PTCHD4: variants seen among roughly 807,000 people sequenced by gnomAD.
PTCHD4 encodes the protein patched domain-containing protein 4.
A neutral mutation model predicts 58.1 loss-of-function variants in PTCHD4; 33 were observed. The ratio of observed to expected loss-of-function variants is 0.57; its 90% confidence interval spans 0.43 to 0.76. The LOEUF (loss-of-function observed/expected upper bound fraction) is 0.76. Ranked by LOEUF, PTCHD4 falls within the 30% of genes least tolerant of loss-of-function variation. PTCHD4 has a pLI of 0.00. For synonymous variants in PTCHD4, 478 were observed against 409.6 expected, an observed-to-expected ratio of 1.17 and a Z score of -2.02; for missense variants, 1,058 against 1,027.1, an observed-to-expected ratio of 1.03 and a Z score of -0.41.
In PTCHD4 at chr6:47,864,207, G is replaced by A. The variant is rs1452441913; in HGVS notation, c.*14096C>T. ...ATTGAATCAGAACCTCTGGAGATGG[G>A]GATATGCAGGCTGTGCTTTGACAAG... On this transcript the variant is annotated 3_prime_UTR_variant, in exon 5 of 5. Coordinates refer to ENST00000339488, the MANE Select transcript of PTCHD4 (RefSeq NM_001384253.1). Among the ~76,000 whole-genome samples, 2 of 151,926 alleles carry A rather than the reference G, an allele frequency of 1.3e-5. No homozygotes were observed. Among genetic ancestry groups the A allele is most frequent in the African/African-American group, 2.4e-5 (1 of 41,496 alleles).
At chr6:47,921,567 A>G (rs1210955166) in intron 4 of PTCHD4, among the ~76,000 whole-genome samples, 1 of 152,164 alleles carries the variant, frequency 6.6e-6, no homozygotes, top group Non-Finnish European at 1.5e-5. Context: ...TAGTTGAAAC[A>G]TAGTATAGCA....
chr6:48,015,588 C>T (rs1481839084), intron 3 of PTCHD4, among the ~76,000 whole-genome samples: 2 of 151,974 alleles, frequency 1.3e-5, no homozygotes, highest in East Asian at 3.9e-4. Context: ...GCCAAGACTA[C>T]TTCCTGGTCA....
intron 4 of PTCHD4, among the ~76,000 whole-genome samples, chr6:47,903,953 G>A (rs1283155726): frequency 6.6e-6 from 1 of 152,138 alleles, no homozygotes; most frequent in African/African-American, 2.4e-5. Context: ...TGGCTGTAAT[G>A]TCTTCAGGAG....
At chr6:47,897,855 A>G (rs1764570565) in intron 4 of PTCHD4, among the ~76,000 whole-genome samples, 1 of 152,000 alleles carries the variant, frequency 6.6e-6, no homozygotes, top group Non-Finnish European at 1.5e-5. Context: ...CTAACTTAAT[A>G]GACATGCCAT....
intron 4 of PTCHD4, among the ~76,000 whole-genome samples, chr6:47,961,706 A>C (rs1767101433): frequency 6.6e-6 from 1 of 152,188 alleles, no homozygotes; most frequent in Non-Finnish European, 1.5e-5. Context: ...TTTTTAAAAA[A>C]AGAAATTATT....
chr6:48,045,620 T>A (rs757190092), intron 3 of PTCHD4, among the ~76,000 whole-genome samples: 1 of 151,882 alleles, frequency 6.6e-6, no homozygotes, highest in Admixed American at 6.6e-5. Flanking sequence ...ATTTCAGTCC[T>A]TCCAGTGATG....
At chr6:48,094,014 TA>T (rs1301711384) in intron 1 of PTCHD4, among the ~76,000 whole-genome samples, 5 of 152,116 alleles carry the variant, frequency 3.3e-5, no homozygotes, top group Non-Finnish European at 4.4e-5. Flanking sequence ...AAATGTGTAA[TA>T]GGGGTGCATA....
At chr6:48,031,772 G>A (rs1763453102) in intron 3 of PTCHD4, among the ~76,000 whole-genome samples, 2 of 152,130 alleles carry the variant, frequency 1.3e-5, no homozygotes, top group South Asian at 4.1e-4. Context: ...AAATTCTAAG[G>A]GATGACAACC....
At chr6:47,919,996 G>A (rs9349435) in intron 4 of PTCHD4, among the ~76,000 whole-genome samples, 59,027 of 151,816 alleles carry the variant, frequency 0.39, 12,766 homozygotes, top group East Asian at 0.75. Flanking sequence ...CGAGGACTTA[G>A]GTGATGGTGG....
chr6:47,903,542 T>C (rs1157420548), intron 4 of PTCHD4, among the ~76,000 whole-genome samples: 1 of 152,158 alleles, frequency 6.6e-6, no homozygotes, highest in Non-Finnish European at 1.5e-5. Flanking sequence ...CTCAAACTCC[T>C]GGGCCCAAGC....
At chr6:48,002,164 G>C (rs1768751262) in intron 4 of PTCHD4, among the ~76,000 whole-genome samples, 1 of 152,200 alleles carries the variant, frequency 6.6e-6, no homozygotes, top group African/African-American at 2.4e-5. Context: ...CTGTTGGTGG[G>C]AATGTAAACT....
chr6:48,101,484 A>T (rs1765601419), intron 1 of PTCHD4, among the ~76,000 whole-genome samples: 1 of 152,242 alleles, frequency 6.6e-6, no homozygotes, highest in Non-Finnish European at 1.5e-5. Flanking sequence ...GGTCAAGCCA[A>T]TATAACTATA....
At chr6:47,902,051 T>G in intron 4 of PTCHD4, 3 of 537,926 alleles carry the variant, frequency 5.6e-6, no homozygotes, top group Non-Finnish European at 9.4e-6. Flanking sequence ...ATCACCATCA[T>G]CAACAACAAC....
chr6:47,966,475 A>T (rs1767301084), intron 4 of PTCHD4, among the ~76,000 whole-genome samples: 1 of 152,222 alleles, frequency 6.6e-6, no homozygotes, highest in East Asian at 1.9e-4. Context: ...GTTGTGGAAG[A>T]TTAGGGTGAT....
At chr6:48,096,951 A>T (rs1189437367) in intron 1 of PTCHD4, among the ~76,000 whole-genome samples, 3 of 152,186 alleles carry the variant, frequency 2.0e-5, no homozygotes, top group African/African-American at 7.2e-5. Flanking sequence ...TTGATATAGG[A>T]ATAAAACCAA....
chr6:47,949,933 G>C (rs1766575344), intron 4 of PTCHD4, among the ~76,000 whole-genome samples: 1 of 151,522 alleles, frequency 6.6e-6, no homozygotes, highest in Admixed American at 6.6e-5. Flanking sequence ...ACAGTGTGAA[G>C]GTTTGTTACA....
chr6:47,959,155 T>C (rs552897637), intron 4 of PTCHD4, among the ~76,000 whole-genome samples: 13 of 152,288 alleles, frequency 8.5e-5, no homozygotes, highest in African/African-American at 3.1e-4. Context: ...AAATGGATGT[T>C]GGAATTAGCA....
intron 4 of PTCHD4, among the ~76,000 whole-genome samples, chr6:47,997,148 C>T (rs1045742160): frequency 3.3e-5 from 5 of 152,082 alleles, no homozygotes; most frequent in African/African-American, 1.2e-4. Context: ...CCAGTCTCAC[C>T]CCAAAACCTA....
rs1021737402 is a variant in PTCHD4, at chr6:47,861,558, A to T, written c.*16745T>A. 3.3e-5 allele frequency among the ~76,000 whole-genome samples: 5 copies of T among 151,962 alleles called. No individual in the cohort carries two copies. Among genetic ancestry groups the T allele is most frequent in the Non-Finnish European group, 7.4e-5 (5 of 67,914 alleles). On this transcript the variant is annotated 3_prime_UTR_variant, in exon 5 of 5. Transcript: ENST00000339488. ...CCATTTTGTCCAAAACACATCTAGT[A>T]CTCATTGACATTTATGTCCAACAAA...
Sources: gnomAD v4.1 joint callset for allele counts (sites outside exome capture counted in the v4.1 genomes callset) on GRCh38, gnomAD v4.1.1 for gene constraint, MANE v1.5 for transcripts, NCBI Gene and HGNC (gene_info 2026-07-23, HGNC 2026-07-21) for gene names.